FAM228B: variants seen among roughly 807,000 people sequenced by gnomAD.
The protein encoded by FAM228B is family with sequence similarity 228 member B.
Under a neutral mutation model 42.6 loss-of-function variants are expected in FAM228B, and 38 were observed. The observed-to-expected ratio is 0.89, with a 90% CI of 0.69 to 1.17. The LOEUF is 1.17. Ranked by LOEUF, FAM228B falls within the 50% of genes most tolerant of loss-of-function variation. FAM228B has a pLI of 0.00. For synonymous variants in FAM228B, 109 were observed against 122.3 expected, an observed-to-expected ratio of 0.89 and a Z score of 0.72; for missense variants, 344 against 367.3, an observed-to-expected ratio of 0.94 and a Z score of 0.52.
Position 24,079,369 on chromosome 2 carries a change from C to T in FAM228B, c.-289-1507C>T, listed in dbSNP as rs527785925. On this transcript the variant is annotated intron_variant, in intron 1 of 10. Coordinates refer to the FAM228B transcript ENST00000613899. ...ACCTCCGTAATCTAAGGTAGAGCTTCCTTTCTCGGGGTAATGTAAATGAAC... is the reference window on the plus strand; with the variant it reads ...ACCTCCGTAATCTAAGGTAGAGCTTTCTTTCTCGGGGTAATGTAAATGAAC... The T allele has an allele frequency of 2.7e-6, 4 of 1,504,342 alleles. No individual in the cohort carries two copies. In the East Asian group the frequency reaches 9.0e-5, roughly 34 times the overall value. 93.2% of individuals were successfully genotyped at this position (1,504,342 alleles called of 1,614,324 possible).
intron 2 of FAM228B, among the ~76,000 whole-genome samples, chr2:24,125,159 T>C (rs959915193): frequency 6.6e-6 from 1 of 152,174 alleles, no homozygotes; most frequent in Non-Finnish European, 1.5e-5. Context: ...GGAGGGTCGC[T>C]TGAGCCCAGG....
intron 7 of FAM228B, among the ~76,000 whole-genome samples, chr2:24,157,857 A>C (rs1243473676): frequency 6.6e-6 from 1 of 152,186 alleles, no homozygotes; most frequent in African/African-American, 2.4e-5. Context: ...AACACATACC[A>C]GGTTGAAAAC....
chr2:24,112,594 G>A (rs1253915285), intron 3 of FAM228B, among the ~76,000 whole-genome samples: 1 of 152,148 alleles, frequency 6.6e-6, no homozygotes, highest in Non-Finnish European at 1.5e-5. Flanking sequence ...GAGCCACCAT[G>A]CCGGGCCCAG....
In FAM228B at chr2:24,084,340, A is replaced by ACAGGGCAGGGCAGGG. The variant is rs755835447; in HGVS notation, c.-210+3390_-210+3404dup. On this transcript the variant is annotated intron_variant, in intron 2 of 10. Coordinates refer to the FAM228B transcript ENST00000613899. This position sits in a 1 kb window ranked among gnomAD's most constrained non-coding sequence, Gnocchi z 8.4. The stretch of plus-strand genomic sequence containing the variant: ...CACGGCTAACATATTGTCTGAGGAC[A>ACAGGGCAGGGCAGGG]CAGGGCAGGGCAGGGCAGGACAGGA... 1 of 1,476,438 alleles carries ACAGGGCAGGGCAGGG rather than the reference A, an allele frequency of 6.8e-7. No individual in the cohort carries two copies. Among genetic ancestry groups the ACAGGGCAGGGCAGGG allele is most frequent in the Non-Finnish European group, 9.2e-7 (1 of 1,085,130 alleles). The allele number at this position is 1,476,438 out of a possible 1,614,324, so 91.5% of individuals were successfully genotyped here.
At chr2:24,089,301 A>C (rs1287783123) in intron 2 of FAM228B, among the ~76,000 whole-genome samples, 1 of 152,212 alleles carries the variant, frequency 6.6e-6, no homozygotes, top group African/African-American at 2.4e-5. Flanking sequence ...GGAAACAAGA[A>C]ATAGCCAAGG....
chr2:24,164,542 ATGAGGGTGCCCCCTGGTGGAGCCACACG>A (rs1667356038), intron 9 of FAM228B, among the ~76,000 whole-genome samples: 1 of 7,732 alleles, frequency 1.3e-4, no homozygotes, highest in Non-Finnish European at 1.4e-3. Context: ...GAGTCACACG[ATGAGGGTGCCCCCTGGTGGAGCCACACG>A]ATGAGGGTGC....
At chr2:24,096,745 C>T (rs1224494680) in intron 3 of FAM228B, 1 of 152,154 alleles carries the variant, frequency 6.6e-6, no homozygotes, top group Non-Finnish European at 1.5e-5. Flanking sequence ...CCCAACCTAG[C>T]AAGGCAGGCC....
chr2:24,122,443 C>T (rs748365666), upstream of FAM228B: 3 of 1,613,766 alleles, frequency 1.9e-6, no homozygotes, highest in South Asian at 3.3e-5. Context: ...ATGCTACACA[C>T]AAGCTCCGCT....
At chr2:24,161,748 C>A in intron 8 of FAM228B, 135 bp downstream of exon 8, 2 of 632,296 alleles carry the variant, frequency 3.2e-6, no homozygotes, top group South Asian at 1.8e-5. Flanking sequence ...GGACACCGGG[C>A]ATCTCCTACC....
At chr2:24,081,093 A>G (rs1664982125) in intron 2 of FAM228B, 1 of 1,354,146 alleles carries the variant, frequency 7.4e-7, no homozygotes, top group Non-Finnish European at 9.9e-7. Context: ...CCACACAGGC[A>G]TATTCTATCA....
chr2:24,124,355 G>A lies in FAM228B; in HGVS notation c.-7G>A. The A allele has an allele frequency of 6.5e-7, 1 of 1,529,080 alleles. No homozygotes were observed. The highest frequency in any genetic ancestry group is 8.8e-7 in the Non-Finnish European group (1 of 1,133,648). 94.7% of individuals were successfully genotyped at this position (1,529,080 alleles called of 1,614,324 possible). On this transcript the variant is annotated 5_prime_UTR_variant, in exon 2 of 11. Transcript: ENST00000615575. ...TTTTTCCAGGGGCATTGTTATTTGT[G>A]ACCACAATGAAAAATGTAGACAGTG...
upstream of FAM228B, chr2:24,123,178 C>T (rs1455735032): frequency 6.6e-6 from 1 of 152,558 alleles, no homozygotes; most frequent in Non-Finnish European, 1.5e-5. Context: ...CCGAGCAGGA[C>T]CCAAGGCGGG....
intron 5 of FAM228B, among the ~76,000 whole-genome samples, chr2:24,146,149 T>C (rs6754391): frequency 0.58 from 88,427 of 152,062 alleles, 26,414 homozygotes; most frequent in East Asian, 0.75. Context: ...ACTAGCCTGA[T>C]GAGCATGAGA....
At chr2:24,155,051 G>T (rs561106088) in intron 7 of FAM228B, among the ~76,000 whole-genome samples, 35 of 151,948 alleles carry the variant, frequency 2.3e-4, no homozygotes, top group Non-Finnish European at 1.5e-5. Context: ...AATTAAATAG[G>T]TTCCATCCAA....
intron 7 of FAM228B, among the ~76,000 whole-genome samples, chr2:24,156,044 A>C (rs1667134585): frequency 6.6e-6 from 1 of 152,196 alleles, no homozygotes; most frequent in Non-Finnish European, 1.5e-5. Flanking sequence ...GAAGAAGCTC[A>C]AGTGCTTAAC....
chr2:24,091,783 A>G (rs1243441976), intron 2 of FAM228B, among the ~76,000 whole-genome samples: 1 of 152,208 alleles, frequency 6.6e-6, no homozygotes, highest in Non-Finnish European at 1.5e-5. Context: ...TTTAGATGAG[A>G]ATACAGTACC....
At chr2:24,145,836 C>A (rs1176681360) in intron 5 of FAM228B, among the ~76,000 whole-genome samples, 4 of 151,646 alleles carry the variant, frequency 2.6e-5, no homozygotes, top group African/African-American at 4.8e-5. Context: ...CTATAGGCGC[C>A]CGCCACCACG....
chr2:24,146,681 G>A (rs1558390062), intron 5 of FAM228B, 67 bp from the exon 6 acceptor site: 1 of 1,114,420 alleles, frequency 9.0e-7, no homozygotes. Flanking sequence ...TGGATGCTTA[G>A]AATAGACTGA....
At chr2:24,157,042 C>T (rs1384071773) in intron 7 of FAM228B, among the ~76,000 whole-genome samples, 1 of 152,136 alleles carries the variant, frequency 6.6e-6, no homozygotes, top group Non-Finnish European at 1.5e-5. Context: ...TCCTTCAGTT[C>T]AAAGACTTTT....
Sources: allele counts gnomAD v4.1 joint callset (sites outside exome capture counted in the v4.1 genomes callset), GRCh38; gene constraint gnomAD v4.1.1; non-coding constraint Gnocchi (gnomAD v3.1); transcripts MANE v1.5; gene names NCBI Gene and HGNC (gene_info 2026-07-23, HGNC 2026-07-21).